The following DNM2 variants were observed in gnomAD, a reference collection of about 807,000 sequenced individuals.
DNM2 encodes the protein dynamin-2.
Under a neutral mutation model 99.0 loss-of-function variants are expected in DNM2, and 15 were observed. That is an observed-to-expected ratio of 0.15 (90% CI 0.10 to 0.23). The LOEUF (loss-of-function observed/expected upper bound fraction) is 0.23, where lower values mean the gene tolerates loss of function less well. DNM2 is among the 10% of genes least tolerant of loss of function. The pLI is 1.00. For synonymous variants in DNM2, 525 were observed against 481.2 expected (o/e 1.09, Z -1.19); for missense variants, 742 against 1,189.4 (o/e 0.62, Z 5.53).
rs1174831838 is a variant in DNM2 at position 10,718,521 on chromosome 19, G to C, written c.161+118G>C. On this transcript the variant is annotated intron_variant, in intron 1 of 20. Coordinates refer to ENST00000389253, the MANE Select transcript of DNM2 (RefSeq NM_001005361.3). ...GCGGCGCTTGCGTGCCCGCGGCGGG[G>C]AACCGGACGGGGTCGGGGAGGCGGG... 22 of 1,241,684 alleles carry C rather than the reference G, an allele frequency of 1.8e-5. No individual in the cohort carries two copies. In the South Asian group the frequency reaches 5.8e-4, roughly 33 times the overall value. 76.9% of individuals were successfully genotyped at this position (1,241,684 alleles called of 1,614,324 possible). A position where few individuals can be genotyped will look rare whatever the true frequency, so the allele number is the denominator to read the frequency against.
At chr19:10,739,886 A>G (rs1373869370) in intron 1 of DNM2, among the ~76,000 whole-genome samples, 2 of 150,502 alleles carry the variant, frequency 1.3e-5, no homozygotes, top group Non-Finnish European at 3.0e-5. Flanking sequence ...AAAAAAAAAA[A>G]AGAATTCACC....
At chr19:10,739,654 G>A (rs2069666916) in intron 1 of DNM2, among the ~76,000 whole-genome samples, 1 of 152,084 alleles carries the variant, frequency 6.6e-6, no homozygotes, top group Non-Finnish European at 1.5e-5. Context: ...AGGAATTGAT[G>A]AGACCAGCCT....
At chr19:10,813,681 C>A (rs759022703) in intron 15 of DNM2, among the ~76,000 whole-genome samples, 2 of 151,936 alleles carry the variant, frequency 1.3e-5, no homozygotes, top group Non-Finnish European at 2.9e-5. Flanking sequence ...AAAAAATTAG[C>A]TGGGCATGGT....
intron 13 of DNM2, among the ~76,000 whole-genome samples, chr19:10,807,696 C>T (rs923948700): frequency 8.1e-5 from 12 of 148,676 alleles, no homozygotes; most frequent in Non-Finnish European, 1.0e-4. Context: ...TTACAGGAGC[C>T]TGCCACCACC....
chr19:10,786,020 G>A (rs559144681), intron 6 of DNM2, among the ~76,000 whole-genome samples: 8 of 151,888 alleles, frequency 5.3e-5, no homozygotes, highest in African/African-American at 7.3e-5. Flanking sequence ...GGCTGGTCTC[G>A]ATCTCTTGAT....
intron 8 of DNM2, 91 bp downstream of exon 8, chr19:10,793,946 C>G: frequency 6.2e-7 from 1 of 1,603,170 alleles, no homozygotes; most frequent in Non-Finnish European, 8.5e-7. Flanking sequence ...AATAAGGTCT[C>G]AAGCTCCTAC....
At chr19:10,768,388 A>G (rs972265030) in intron 2 of DNM2, among the ~76,000 whole-genome samples, 1 of 152,062 alleles carries the variant, frequency 6.6e-6, no homozygotes, top group East Asian at 1.9e-4. Context: ...CAGGAGGCAG[A>G]GTTTGCAGTG....
At chr19:10,776,956 C>A (rs929451268) in intron 4 of DNM2, among the ~76,000 whole-genome samples, 162 bp from the exon 5 acceptor site, 5 of 152,192 alleles carry the variant, frequency 3.3e-5, no homozygotes, top group Admixed American at 6.5e-5. Flanking sequence ...CATCTTCATT[C>A]GACATGTCGG....
chr19:10,738,554 C>T (rs866053006), intron 1 of DNM2, among the ~76,000 whole-genome samples: 3 of 150,840 alleles, frequency 2.0e-5, no homozygotes, highest in African/African-American at 7.3e-5. Flanking sequence ...GGGATCCCAG[C>T]GGTTGTTACT....
At chr19:10,729,518 G>A (rs549252832) in intron 1 of DNM2, among the ~76,000 whole-genome samples, 1 of 152,098 alleles carries the variant, frequency 6.6e-6, no homozygotes, top group Non-Finnish European at 1.5e-5. Flanking sequence ...GAACAGCATC[G>A]CAGGCCAGGG....
intron 1 of DNM2, among the ~76,000 whole-genome samples, chr19:10,727,221 T>TA (rs1029474991): frequency 2.2e-4 from 33 of 152,138 alleles, no homozygotes; most frequent in African/African-American, 7.5e-4. Flanking sequence ...TTTTCAGAGT[T>TA]ACTTATTGAC....
chr19:10,731,793 C>G (rs956624293), intron 1 of DNM2, among the ~76,000 whole-genome samples: 7 of 152,212 alleles, frequency 4.6e-5, no homozygotes, highest in Non-Finnish European at 1.0e-4. Context: ...TCCCCGTTGT[C>G]TGGGCGGAAG....
Position 10,798,227 on chromosome 19 carries a change from TTGCCTCC to T in DNM2, c.1336-247_1336-241del, listed in dbSNP as rs528685725. On this transcript the variant is annotated intron_variant, in intron 10 of 20. Transcript: ENST00000389253. ...ATGCCCCTGCTTTTCTGCTTTCATG[TTGCCTCC>T]TGCCTCCTGCCCCCCGGTCACTGGC... 6.6e-4 allele frequency among the ~76,000 whole-genome samples: 101 copies of T among 152,316 alleles called. 1 individual carries two copies. Among genetic ancestry groups the T allele is most frequent in the African/African-American group, 1.9e-3 (80 of 41,556 alleles).
At chr19:10,732,291 G>C (rs1418972470) in intron 1 of DNM2, among the ~76,000 whole-genome samples, 1 of 124,518 alleles carries the variant, frequency 8.0e-6, no homozygotes, top group South Asian at 2.9e-4. Context: ...CTGTTTACTC[G>C]TTGTGGAGAA....
chr19:10,777,020 A>G, intron 4 of DNM2, 98 bp from the exon 5 acceptor site: 1 of 1,163,406 alleles, frequency 8.6e-7, no homozygotes, highest in Non-Finnish European at 1.3e-6. Flanking sequence ...TGTGACCTGG[A>G]AGTTTCAGGG....
At chr19:10,719,461 C>T (rs2068865083) in intron 1 of DNM2, among the ~76,000 whole-genome samples, 1 of 152,162 alleles carries the variant, frequency 6.6e-6, no homozygotes, top group Admixed American at 6.6e-5. Context: ...GGGATGTAGC[C>T]TTCTCTGGAC....
Position 10,808,482 on chromosome 19 carries a change from C to T in DNM2, c.1546-87C>T, listed in dbSNP as rs898841995. ...TGTTTTTGTGCTTTTCCTGCTTTTT[C>T]TTTGTCCCCTTCACGTCCCTTCCAT... is the stretch of plus-strand genomic sequence containing the variant. On this transcript the variant is annotated intron_variant, in intron 13 of 20. Transcript: ENST00000389253. 5 of 1,463,806 alleles carry T rather than the reference C, an allele frequency of 3.4e-6. No individual in the cohort carries two copies. The African/African-American group carries it at 4.2e-5, about 12-fold the overall frequency. 90.7% of individuals were successfully genotyped at this position (1,463,806 alleles called of 1,614,324 possible).
chr19:10,733,385 G>T (rs1451264552), intron 1 of DNM2, among the ~76,000 whole-genome samples: 1 of 150,654 alleles, frequency 6.6e-6, no homozygotes, highest in Non-Finnish European at 1.5e-5. Flanking sequence ...TAGAGACAGG[G>T]TTTCTCCATG....
intron 5 of DNM2, among the ~76,000 whole-genome samples, chr19:10,780,019 T>A (rs1214254998): frequency 6.6e-6 from 1 of 152,176 alleles, no homozygotes; most frequent in Non-Finnish European, 1.5e-5. Flanking sequence ...GGGCACCTCC[T>A]GCCTTTCCCT....
Sources: allele counts gnomAD v4.1 joint callset (sites outside exome capture counted in the v4.1 genomes callset), GRCh38; gene constraint gnomAD v4.1.1; transcripts MANE v1.5; gene names NCBI Gene and HGNC (gene_info 2026-07-23, HGNC 2026-07-21).